DPYSL5: variants seen among roughly 807,000 people sequenced by gnomAD.
DPYSL5 encodes dihydropyrimidinase like 5.
A neutral mutation model predicts 58.4 loss-of-function variants in DPYSL5; 9 were observed. The ratio of observed to expected loss-of-function variants is 0.15; its 90% confidence interval spans 0.09 to 0.27. The LOEUF (loss-of-function observed/expected upper bound fraction) is 0.27, where lower values mean the gene tolerates loss of function less well. DPYSL5 is among the 10% of genes least tolerant of loss of function. The pLI, the probability that DPYSL5 is intolerant of heterozygous loss-of-function variation, is 1.00. For synonymous variants in DPYSL5, 293 were observed against 301.9 expected (o/e 0.97, Z 0.31); for missense variants, 499 against 770.6 (o/e 0.65, Z 4.17).
At chr2:26,853,979 G>T (rs1665817595) in intron 1 of DPYSL5, among the ~76,000 whole-genome samples, 1 of 152,036 alleles carries the variant, frequency 6.6e-6, no homozygotes, top group Non-Finnish European at 1.5e-5. Context: ...GGTCAAGGCT[G>T]CAGTGAGCTG....
chr2:26,947,118 A>C lies in DPYSL5; in HGVS notation c.*123A>C. 1.4e-6 allele frequency: 1 copy of C among 720,286 alleles called. No individual in the cohort carries two copies. Among genetic ancestry groups the C allele is most frequent in the Non-Finnish European group, 2.4e-6 (1 of 422,382 alleles). 44.6% of individuals were successfully genotyped at this position (720,286 alleles called of 1,614,324 possible). A position where few individuals can be genotyped will look rare whatever the true frequency, so the allele number is the denominator to read the frequency against. On this transcript the variant is annotated 3_prime_UTR_variant, in exon 13 of 13. Coordinates refer to ENST00000288699, the MANE Select transcript of DPYSL5 (RefSeq NM_020134.4). This position sits in a 1 kb window ranked among gnomAD's most constrained non-coding sequence, Gnocchi z 4.2. ...CACACCACCCGAGGGGGGCCCCGGG[A>C]CCCACGGAGCCCTCCCTATGTCTGC... is the stretch of plus-strand genomic sequence containing the variant.
At chr2:26,862,121 G>C (rs1301346634) in intron 1 of DPYSL5, among the ~76,000 whole-genome samples, 1 of 152,192 alleles carries the variant, frequency 6.6e-6, no homozygotes, top group Non-Finnish European at 1.5e-5. Flanking sequence ...CCAGCATCTT[G>C]ATTGCAGCCT....
At chr2:26,853,644 T>C (rs1179362832) in intron 1 of DPYSL5, among the ~76,000 whole-genome samples, 1 of 152,098 alleles carries the variant, frequency 6.6e-6, no homozygotes, top group Non-Finnish European at 1.5e-5. Flanking sequence ...TTTATGCAAT[T>C]GGAGAGGCTG....
intron 12 of DPYSL5, among the ~76,000 whole-genome samples, chr2:26,946,340 C>T (rs577671216): frequency 6.6e-6 from 1 of 152,266 alleles, no homozygotes; most frequent in East Asian, 1.9e-4. Flanking sequence ...GCAGGCCAGG[C>T]TGAAGAATGT....
At chr2:26,876,409 G>A (rs949324339) in intron 1 of DPYSL5, among the ~76,000 whole-genome samples, 2 of 152,346 alleles carry the variant, frequency 1.3e-5, no homozygotes, top group Middle Eastern at 3.4e-3. Flanking sequence ...TGGAGATAGA[G>A]CATGATAAGC....
At chr2:26,862,665 G>A (rs1267747002) in intron 1 of DPYSL5, among the ~76,000 whole-genome samples, 3 of 152,156 alleles carry the variant, frequency 2.0e-5, no homozygotes, top group Admixed American at 1.3e-4. Context: ...CTGCCTGGAT[G>A]TTGGCAGAGA....
chr2:26,947,102 C>T lies in DPYSL5; in HGVS notation c.*107C>T, dbSNP rs935900112. On this transcript the variant is annotated 3_prime_UTR_variant, in exon 13 of 13. Transcript: ENST00000288699. This position sits in a 1 kb window ranked among gnomAD's most constrained non-coding sequence, Gnocchi z 4.2. ...AGGCTGGGCTGGGTGGCACACCACCCGAGGGGGGCCCCGGGACCCACGGAG... is the reference window on the plus strand; with the variant it reads ...AGGCTGGGCTGGGTGGCACACCACCTGAGGGGGGCCCCGGGACCCACGGAG... 8.0e-6 allele frequency: 8 copies of T among 999,416 alleles called. No individual in the cohort carries two copies. The highest frequency in any genetic ancestry group is 2.3e-5 in the Admixed American group (1 of 43,766). 61.9% of individuals were successfully genotyped at this position (999,416 alleles called of 1,614,324 possible). A position where few individuals can be genotyped will look rare whatever the true frequency, so the allele number is the denominator to read the frequency against.
At chr2:26,875,068 C>T (rs1172349422) in intron 1 of DPYSL5, among the ~76,000 whole-genome samples, 1 of 152,190 alleles carries the variant, frequency 6.6e-6, no homozygotes, top group Non-Finnish European at 1.5e-5. Context: ...ATCCTGTTTT[C>T]TAATCCCTTT....
chr2:26,928,506 G>T (rs879010515), intron 5 of DPYSL5, among the ~76,000 whole-genome samples, 183 bp downstream of exon 5: 2 of 150,932 alleles, frequency 1.3e-5, no homozygotes, highest in South Asian at 4.2e-4. Flanking sequence ...ACCAGCCTGG[G>T]CAACATGGTG....
chr2:26,861,060 G>A (rs1572671792), intron 1 of DPYSL5, among the ~76,000 whole-genome samples: 1 of 152,162 alleles, frequency 6.6e-6, no homozygotes, highest in African/African-American at 2.4e-5. Context: ...GGAGGGTGAA[G>A]TTCTTGGGCC....
chr2:26,892,856 A>T (rs891562292), intron 1 of DPYSL5, among the ~76,000 whole-genome samples: 2 of 151,826 alleles, frequency 1.3e-5, no homozygotes, highest in Non-Finnish European at 2.9e-5. Flanking sequence ...CCTAAGAACC[A>T]AAGCCATTTT....
intron 2 of DPYSL5, among the ~76,000 whole-genome samples, chr2:26,921,297 C>T (rs985516307): frequency 6.6e-6 from 1 of 152,140 alleles, no homozygotes; most frequent in Non-Finnish European, 1.5e-5. Flanking sequence ...GTCAGGAGTT[C>T]GAGACCAGCC....
intron 1 of DPYSL5, among the ~76,000 whole-genome samples, chr2:26,894,914 G>T (rs527472192): frequency 6.6e-6 from 1 of 152,338 alleles, no homozygotes; most frequent in Admixed American, 6.5e-5. Context: ...CTCTACAGAG[G>T]AGGGAGTAGT....
chr2:26,879,396 A>G (rs1455140355), intron 1 of DPYSL5, among the ~76,000 whole-genome samples: 1 of 150,652 alleles, frequency 6.6e-6, no homozygotes, highest in Admixed American at 6.7e-5. Flanking sequence ...TGAGGTGGGC[A>G]GATCACTTGA....
chr2:26,928,362 ATGTAGAT>A (rs1181426844), intron 5 of DPYSL5, 39 bp downstream of exon 5: 2 of 1,600,672 alleles, frequency 1.2e-6, no homozygotes, highest in Non-Finnish European at 1.7e-6. Flanking sequence ...AGCGTCTCTC[ATGTAGAT>A]TGACAGAATC....
intron 2 of DPYSL5, among the ~76,000 whole-genome samples, chr2:26,912,949 C>T (rs1379809012): frequency 2.6e-5 from 4 of 152,192 alleles, no homozygotes; most frequent in Non-Finnish European, 5.9e-5. Flanking sequence ...CAGGGCTACT[C>T]CAGCATTGTG....
rs143828804 is a variant in DPYSL5, at chr2:26,928,687, G to GTGTATA, written c.669+365_669+366insGTATAT. ...ACTGCAATCCAGCCAAGGTGATAGA[G>GTGTATA]TATATATATATATATATACACACAC... is the stretch of plus-strand genomic sequence containing the variant. On this transcript the variant is annotated intron_variant, in intron 5 of 12. Transcript: ENST00000288699. Among the ~76,000 whole-genome samples, 6 of 60,700 alleles carry GTGTATA rather than the reference G, an allele frequency of 9.9e-5. 1 individual carries two copies. Among genetic ancestry groups the GTGTATA allele is most frequent in the African/African-American group, 2.4e-4 (4 of 16,886 alleles). The allele number at this position is 60,700 out of a possible 152,430, so 39.8% of individuals were successfully genotyped here.
Position 26,927,952 on chromosome 2 carries a change from A to T in DPYSL5, c.601-303A>T, listed in dbSNP as rs1664868107. Among the ~76,000 whole-genome samples the T allele has an allele frequency of 6.6e-6, 1 of 152,170 alleles. No homozygotes were observed. Among genetic ancestry groups the T allele is most frequent in the Non-Finnish European group, 1.5e-5 (1 of 68,028 alleles). On this transcript the variant is annotated intron_variant, in intron 4 of 12. Coordinates refer to ENST00000288699, the MANE Select transcript of DPYSL5 (RefSeq NM_020134.4). This position sits in a 1 kb window ranked among gnomAD's most constrained non-coding sequence, Gnocchi z 4.3. ...TCCAGAGAGGGAATTCTGAGTTTGA[A>T]ATCAGTAAAGAGTGCTTGTCTTTGG...
chr2:26,903,207 T>C (rs1012540587), intron 2 of DPYSL5, among the ~76,000 whole-genome samples: 1 of 152,086 alleles, frequency 6.6e-6, no homozygotes, highest in African/African-American at 2.4e-5. Flanking sequence ...GTAGCTGAGA[T>C]TACAGGTGCA....
Sources: gnomAD v4.1 joint callset for allele counts (sites outside exome capture counted in the v4.1 genomes callset) on GRCh38, gnomAD v4.1.1 for gene constraint, Gnocchi (gnomAD v3.1) non-coding constraint, MANE v1.5 for transcripts, NCBI Gene and HGNC (gene_info 2026-07-23, HGNC 2026-07-21) for gene names.